LRP1B: variants seen among roughly 807,000 people sequenced by gnomAD.
The protein encoded by LRP1B is LDL receptor related protein 1B.
In LRP1B, 217 loss-of-function variants were observed where a neutral mutation model predicts 556.6. The observed-to-expected ratio is 0.39, with a 90% confidence interval of 0.35 to 0.44. The LOEUF (loss-of-function observed/expected upper bound fraction) is 0.44. Ranked by LOEUF, LRP1B falls within the 20% of genes least tolerant of loss-of-function variation. The pLI, the probability that LRP1B is intolerant of heterozygous loss-of-function variation, is 1.00. For missense variants in LRP1B, 5,053 were observed against 5,620.8 expected (o/e 0.90, Z 3.23); for synonymous variants, 2,047 against 1,865.8 (o/e 1.10, Z -2.50).
At chr2:140,630,197 T>A (rs1398346338) in intron 41 of LRP1B, among the ~76,000 whole-genome samples, 2 of 152,162 alleles carry the variant, frequency 1.3e-5, no homozygotes, top group Admixed American at 1.3e-4. Flanking sequence ...AGATGGTGCC[T>A]GGCAATCTGA....
intron 2 of LRP1B, among the ~76,000 whole-genome samples, chr2:141,728,950 G>A (rs889901891): frequency 6.6e-6 from 1 of 152,148 alleles, no homozygotes; most frequent in Non-Finnish European, 1.5e-5. Context: ...AGAGGGGGGT[G>A]CCAGGAGTGC....
intron 25 of LRP1B, among the ~76,000 whole-genome samples, chr2:140,873,036 A>C (rs1344014033): frequency 6.6e-6 from 1 of 152,156 alleles, no homozygotes; most frequent in African/African-American, 2.4e-5. Flanking sequence ...AAGACTAGTC[A>C]AATATTTTTT....
At chr2:141,541,182 T>C (rs1685247169) in intron 2 of LRP1B, among the ~76,000 whole-genome samples, 1 of 152,050 alleles carries the variant, frequency 6.6e-6, no homozygotes, top group African/African-American at 2.4e-5. Context: ...TGTCAATTTC[T>C]TCAACAAACA....
At chr2:141,174,770 G>T (rs564821926) in intron 7 of LRP1B, among the ~76,000 whole-genome samples, 1 of 152,060 alleles carries the variant, frequency 6.6e-6, no homozygotes, top group Non-Finnish European at 1.5e-5. Context: ...TTTGAAACTG[G>T]GTAACAGTCA....
intron 7 of LRP1B, among the ~76,000 whole-genome samples, chr2:141,117,972 A>G (rs903283015): frequency 3.3e-5 from 5 of 151,920 alleles, no homozygotes; most frequent in African/African-American, 1.2e-4. Context: ...CCTTGCTCCA[A>G]TAAGTTACTT....
chr2:141,480,159 T>TTGTGTGTGTGTG (rs5834837), intron 3 of LRP1B, among the ~76,000 whole-genome samples: 34 of 149,862 alleles, frequency 2.3e-4, no homozygotes, highest in African/African-American at 6.9e-4. Context: ...AAGTCTAAAT[T>TTGTGTGTGTGTG]TGTGTGTGTG....
intron 1 of LRP1B, among the ~76,000 whole-genome samples, chr2:141,869,874 C>T (rs1339042407): frequency 6.6e-6 from 1 of 151,978 alleles, no homozygotes; most frequent in African/African-American, 2.4e-5. Flanking sequence ...GATCCTCCTC[C>T]CCCAGCAACA....
intron 86 of LRP1B, among the ~76,000 whole-genome samples, chr2:140,263,828 C>G (rs1405944064): frequency 6.7e-6 from 1 of 149,060 alleles, no homozygotes; most frequent in Non-Finnish European, 1.5e-5. Context: ...TCACGTGTCC[C>G]TCAACATTCT....
intron 3 of LRP1B, among the ~76,000 whole-genome samples, chr2:141,407,425 G>T (rs578140334): frequency 6.6e-6 from 1 of 152,214 alleles, no homozygotes; most frequent in African/African-American, 2.4e-5. Flanking sequence ...CAGTTTGAAG[G>T]TATGACCCTG....
intron 17 of LRP1B, among the ~76,000 whole-genome samples, chr2:140,985,201 C>T (rs1463781665): frequency 6.6e-6 from 1 of 151,926 alleles, no homozygotes; most frequent in East Asian, 1.9e-4. Flanking sequence ...AACCATACAG[C>T]CAAGAGGAGA....
At chr2:140,346,165 T>C (rs1228510000) in intron 77 of LRP1B, among the ~76,000 whole-genome samples, 5 of 151,646 alleles carry the variant, frequency 3.3e-5, no homozygotes, top group Admixed American at 6.6e-5. Context: ...AAGTAACAAG[T>C]AGGCTTTAAA....
At chr2:141,544,305 T>TTCTTCTTCTTCC (rs1559130804) in intron 2 of LRP1B, among the ~76,000 whole-genome samples, 6 of 6,534 alleles carry the variant, frequency 9.2e-4, no homozygotes, top group African/African-American at 4.5e-3. Flanking sequence ...ACTCTTCTTC[T>TTCTTCTTCTTCC]TCTTCTTCTT....
At chr2:140,810,854 A>C (rs1408671794) in intron 32 of LRP1B, among the ~76,000 whole-genome samples, 1 of 151,710 alleles carries the variant, frequency 6.6e-6, no homozygotes. Flanking sequence ...CTCCTGCCTC[A>C]CCTCCCAAGT....
At chr2:140,930,927 C>G (rs1423629110) in intron 20 of LRP1B, among the ~76,000 whole-genome samples, 1 of 152,098 alleles carries the variant, frequency 6.6e-6, no homozygotes, top group African/African-American at 2.4e-5. Flanking sequence ...TGTTAACCAA[C>G]ACAATGTGGA....
At chr2:141,392,505 A>T (rs1690090964) in intron 3 of LRP1B, among the ~76,000 whole-genome samples, 1 of 151,848 alleles carries the variant, frequency 6.6e-6, no homozygotes, top group South Asian at 2.1e-4. Flanking sequence ...TCACTAAAAC[A>T]GAATGCATGG....
chr2:141,972,403 A>T (rs2105077873), intron 1 of LRP1B, among the ~76,000 whole-genome samples: 1 of 151,568 alleles, frequency 6.6e-6, no homozygotes, highest in South Asian at 2.1e-4. Flanking sequence ...TATACTACAT[A>T]CTCTTCTTTT....
chr2:140,929,660 A>C (rs1309805256), intron 20 of LRP1B, among the ~76,000 whole-genome samples: 1 of 151,928 alleles, frequency 6.6e-6, no homozygotes, highest in Admixed American at 6.6e-5. Flanking sequence ...AAATAGAATA[A>C]AATCTCCAAG....
intron 20 of LRP1B, among the ~76,000 whole-genome samples, chr2:140,933,809 G>T (rs549345358): frequency 6.6e-6 from 1 of 151,802 alleles, no homozygotes; most frequent in African/African-American, 2.4e-5. Flanking sequence ...TACAGTTACT[G>T]GTTTTAATTT....
chr2:141,388,127 C>A (rs1689899970), intron 3 of LRP1B, among the ~76,000 whole-genome samples: 1 of 152,164 alleles, frequency 6.6e-6, no homozygotes, highest in Non-Finnish European at 1.5e-5. Context: ...TTGTCAAAAT[C>A]ACTCTTTCAT....
Sources: gnomAD v4.1 joint callset for allele counts (sites outside exome capture counted in the v4.1 genomes callset) on GRCh38, gnomAD v4.1.1 for gene constraint, MANE v1.5 for transcripts, NCBI Gene and HGNC (gene_info 2026-07-23, HGNC 2026-07-21) for gene names.